The following SLC4A4 variants were observed in gnomAD, a reference collection of about 807,000 sequenced individuals.
SLC4A4 encodes electrogenic sodium bicarbonate cotransporter 1.
SLC4A4 carries 27 observed loss-of-function variants against 111.5 expected under a neutral mutation model. The observed-to-expected ratio is 0.24, with a 90% confidence interval of 0.18 to 0.33. The LOEUF (loss-of-function observed/expected upper bound fraction) is 0.33, where lower values mean the gene tolerates loss of function less well. Among genes scored for constraint, SLC4A4 ranks in the 10% least tolerant of loss-of-function variants. SLC4A4 has a pLI of 1.00. For missense variants in SLC4A4, 909 were observed against 1,315.5 expected, an observed-to-expected ratio of 0.69 and a Z score of 4.78; for synonymous variants, 443 against 463.4, an observed-to-expected ratio of 0.96 and a Z score of 0.57.
chr4:71,363,618 G>A (rs1011855988), intron 6 of SLC4A4, among the ~76,000 whole-genome samples: 16 of 152,106 alleles, frequency 1.1e-4, no homozygotes, highest in South Asian at 2.1e-4. Context: ...TTCTCAGATA[G>A]GTCAGTTGAC....
At chr4:71,434,799 A>T (rs142126008) in intron 7 of SLC4A4, among the ~76,000 whole-genome samples, 82 of 152,308 alleles carry the variant, frequency 5.4e-4, no homozygotes, top group African/African-American at 1.9e-3. Flanking sequence ...GAGCCAAATC[A>T]TGAGTGAAAT....
chr4:71,349,609 T>C (rs1394863353), intron 4 of SLC4A4, among the ~76,000 whole-genome samples: 2 of 152,180 alleles, frequency 1.3e-5, no homozygotes, highest in African/African-American at 4.8e-5. Context: ...TTAAAAAATT[T>C]AGTTAAATAA....
At chr4:71,308,278 A>T (rs906928760) in intron 3 of SLC4A4, among the ~76,000 whole-genome samples, 1 of 152,196 alleles carries the variant, frequency 6.6e-6, no homozygotes, top group African/African-American at 2.4e-5. Context: ...TGTTTAATAA[A>T]TGTTTATTGA....
chr4:71,231,064 A>G (rs1028317898), intron 1 of SLC4A4, among the ~76,000 whole-genome samples: 1 of 152,192 alleles, frequency 6.6e-6, no homozygotes, highest in East Asian at 1.9e-4. Context: ...AGACAAGTGA[A>G]ATGCTACAGT....
At chr4:71,275,637 C>T (rs1418531777) in intron 3 of SLC4A4, among the ~76,000 whole-genome samples, 6 of 152,150 alleles carry the variant, frequency 3.9e-5, no homozygotes, top group Admixed American at 1.3e-4. Context: ...TCACAAATTA[C>T]CTATTTAAAC....
intron 1 of SLC4A4, among the ~76,000 whole-genome samples, chr4:71,218,667 G>A (rs1490325856): frequency 1.3e-5 from 2 of 152,142 alleles, no homozygotes; most frequent in African/African-American, 4.8e-5. Flanking sequence ...GTGTGAACTT[G>A]ACAACTTGCT....
chr4:71,193,741 G>T (rs1203997098), intron 1 of SLC4A4, among the ~76,000 whole-genome samples: 2 of 152,036 alleles, frequency 1.3e-5, no homozygotes, highest in African/African-American at 4.8e-5. Context: ...TAAAGTACTT[G>T]TTCATGTTTT....
chr4:71,453,672 G>T lies in SLC4A4; in HGVS notation c.1497+3G>T, dbSNP rs777199579. ...GGGATGCCACTGACAACATGCAGGTGGGTATGGTTTTGAGGAGGACACAAA... is the reference window on the plus strand; with the variant it reads ...GGGATGCCACTGACAACATGCAGGTTGGTATGGTTTTGAGGAGGACACAAA... On this transcript the variant is annotated splice_donor_region_variant and intron_variant, in intron 12 of 25. Coordinates refer to ENST00000264485, the MANE Select transcript of SLC4A4 (RefSeq NM_001098484.3). 4.3e-6 allele frequency: 7 copies of T among 1,613,612 alleles called. No homozygotes were observed. The Admixed American group carries it at 1.2e-4, about 27-fold the overall frequency.
At chr4:71,542,929 A>G (rs1735191973) in intron 18 of SLC4A4, among the ~76,000 whole-genome samples, 1 of 152,128 alleles carries the variant, frequency 6.6e-6, no homozygotes, top group South Asian at 2.1e-4. Context: ...TATCTATAGT[A>G]TCCATTCTGT....
intron 16 of SLC4A4, among the ~76,000 whole-genome samples, chr4:71,515,365 A>T (rs1732291029): frequency 6.6e-6 from 1 of 152,078 alleles, no homozygotes; most frequent in African/African-American, 2.4e-5. Flanking sequence ...TTTTGTGAAA[A>T]TTTTTAGAAA....
chr4:71,227,735 A>G (rs1719145110), intron 1 of SLC4A4, among the ~76,000 whole-genome samples: 1 of 152,158 alleles, frequency 6.6e-6, no homozygotes, highest in Non-Finnish European at 1.5e-5. Context: ...CTGGTGTGTC[A>G]TATGGAGGAG....
At chr4:71,424,131 A>G (rs1026010731) in intron 7 of SLC4A4, among the ~76,000 whole-genome samples, 1 of 152,176 alleles carries the variant, frequency 6.6e-6, no homozygotes, top group African/African-American at 2.4e-5. Flanking sequence ...CAATGAACTC[A>G]AACAAATTTA....
At chr4:71,110,622 G>C (rs758174654) in intron 2 of SLC4A4, among the ~76,000 whole-genome samples, 1 of 152,132 alleles carries the variant, frequency 6.6e-6, no homozygotes, top group Non-Finnish European at 1.5e-5. Context: ...AAGTTCGTAG[G>C]GCAGGCATAT....
intron 6 of SLC4A4, among the ~76,000 whole-genome samples, chr4:71,391,071 T>C (rs958863726): frequency 6.6e-6 from 1 of 152,038 alleles, no homozygotes; most frequent in African/African-American, 2.4e-5. Flanking sequence ...AATGAGTCAA[T>C]GTGGGTGTAG....
At chr4:71,428,617 G>A (rs1475346946) in intron 7 of SLC4A4, among the ~76,000 whole-genome samples, 1 of 151,884 alleles carries the variant, frequency 6.6e-6, no homozygotes, top group Non-Finnish European at 1.5e-5. Context: ...ACAATGGAAG[G>A]GTGGGGGACA....
chr4:71,179,990 G>C (rs946731791), intron 2 of SLC4A4, among the ~76,000 whole-genome samples: 1 of 152,154 alleles, frequency 6.6e-6, no homozygotes, highest in Non-Finnish European at 1.5e-5. Flanking sequence ...AATGGTACTG[G>C]TACCAAAACA....
chr4:71,541,988 A>G (rs1735111087), intron 18 of SLC4A4, among the ~76,000 whole-genome samples: 1 of 152,148 alleles, frequency 6.6e-6, no homozygotes, highest in African/African-American at 2.4e-5. Context: ...TTTTAACTCA[A>G]AGGGACATCT....
intron 14 of SLC4A4, among the ~76,000 whole-genome samples, chr4:71,480,942 T>C (rs1331722577): frequency 6.6e-6 from 1 of 151,770 alleles, no homozygotes; most frequent in African/African-American, 2.4e-5. Flanking sequence ...TAGCTGACAT[T>C]CATCCCAGGG....
intron 20 of SLC4A4, among the ~76,000 whole-genome samples, chr4:71,553,155 A>T (rs1214419413): frequency 6.6e-6 from 1 of 151,926 alleles, no homozygotes; most frequent in African/African-American, 2.4e-5. Context: ...CCCAAAGTCA[A>T]CTTAATAGCC....
Sources: gnomAD v4.1 joint callset for allele counts (sites outside exome capture counted in the v4.1 genomes callset) on GRCh38, gnomAD v4.1.1 for gene constraint, MANE v1.5 for transcripts, NCBI Gene and HGNC (gene_info 2026-07-23, HGNC 2026-07-21) for gene names.